DIAPH2: variants seen among roughly 807,000 people sequenced by gnomAD.
The protein encoded by DIAPH2 is protein diaphanous homolog 2.
DIAPH2 carries 35 observed loss-of-function variants against 92.7 expected under a neutral mutation model. That is an observed-to-expected ratio of 0.38 (90% CI 0.29 to 0.50). DIAPH2 has a LOEUF of 0.50. DIAPH2 is among the 20% of genes least tolerant of loss of function. The pLI is 0.94. For missense variants in DIAPH2, 701 were observed against 819.5 expected (o/e 0.86, Z 1.77); for synonymous variants, 301 against 280.4 (o/e 1.07, Z -0.73).
chrX:97,007,760 TC>T (rs2066193020), intron 17 of DIAPH2, among the ~76,000 whole-genome samples: 1 of 103,740 alleles, frequency 9.6e-6, no homozygotes, highest in Non-Finnish European at 1.9e-5. Context: ...TTTCTTTTTT[TC>T]TTTTTTTTTT....
At chrX:97,410,432 G>A (rs75481551) in intron 25 of DIAPH2, among the ~76,000 whole-genome samples, 17 of 112,108 alleles carry the variant, frequency 1.5e-4, no homozygotes, top group Admixed American at 1.2e-3. Context: ...ACCAAATGTA[G>A]AGAAAACCAC....
chrX:97,567,366 TCC>T (rs754659680), intron 26 of DIAPH2, among the ~76,000 whole-genome samples: 51 of 112,427 alleles, frequency 4.5e-4, no homozygotes, highest in African/African-American at 1.5e-3. Context: ...TTATTCTGCC[TCC>T]CTACCTTTCA....
At chrX:97,069,241 C>A (rs1420387340) in intron 17 of DIAPH2, among the ~76,000 whole-genome samples, 2 of 111,022 alleles carry the variant, frequency 1.8e-5, no homozygotes, top group Non-Finnish European at 3.8e-5. Context: ...GAGATTACAC[C>A]CAGCCTGTAT....
chrX:97,311,864 G>A (rs972963212), intron 23 of DIAPH2, among the ~76,000 whole-genome samples: 1 of 110,399 alleles, frequency 9.1e-6, no homozygotes, highest in African/African-American at 3.3e-5. Context: ...AGTCTCGCCT[G>A]TGGCCTAGGC....
At chrX:97,387,448 A>C (rs752956622) in intron 25 of DIAPH2, among the ~76,000 whole-genome samples, 4 of 112,308 alleles carry the variant, frequency 3.6e-5, no homozygotes, top group Non-Finnish European at 7.5e-5. Context: ...GCAAGGCAGG[A>C]GGACAGGCTA....
chrX:97,212,408 G>T (rs996783772), intron 22 of DIAPH2, among the ~76,000 whole-genome samples: 2 of 110,889 alleles, frequency 1.8e-5, no homozygotes, highest in African/African-American at 6.5e-5. Context: ...GAACCTTTCG[G>T]TTTGTGTTTT....
chrX:97,110,769 G>T (rs1233250945), intron 20 of DIAPH2, among the ~76,000 whole-genome samples: 1 of 110,898 alleles, frequency 9.0e-6, no homozygotes, highest in Non-Finnish European at 1.9e-5. Context: ...GGATCACAAG[G>T]TCAGGAGATC....
At chrX:97,130,462 A>G (rs994360417) in intron 21 of DIAPH2, among the ~76,000 whole-genome samples, 1 of 112,033 alleles carries the variant, frequency 8.9e-6, no homozygotes, top group African/African-American at 3.2e-5. Context: ...TTATAATATG[A>G]ATGAATCTCC....
chrX:97,185,466 TATATACAC>T (rs2067589596), intron 22 of DIAPH2, among the ~76,000 whole-genome samples: 3 of 37,489 alleles, frequency 8.0e-5, no homozygotes, highest in Admixed American at 5.0e-4. Context: ...TATATATATA[TATATACAC>T]ATATATATAT....
intron 5 of DIAPH2, among the ~76,000 whole-genome samples, chrX:96,883,134 G>A (rs2065230591): frequency 9.1e-6 from 1 of 109,954 alleles, no homozygotes; most frequent in South Asian, 3.8e-4. Flanking sequence ...TTTCTGTCCT[G>A]TCCACAGAGC....
intron 4 of DIAPH2, among the ~76,000 whole-genome samples, chrX:96,768,950 G>A (rs1035137634): frequency 7.2e-5 from 8 of 111,693 alleles, no homozygotes; most frequent in East Asian, 5.6e-4. Context: ...GGTTTGAGCC[G>A]TGGAACGACA....
chrX:97,542,963 G>C (rs1330463285), intron 26 of DIAPH2, among the ~76,000 whole-genome samples: 1 of 112,058 alleles, frequency 8.9e-6, no homozygotes, highest in Admixed American at 9.5e-5. Flanking sequence ...TCAATAAATG[G>C]TATTATTCTC....
chrX:96,951,406 T>G (rs1393470380), intron 15 of DIAPH2, among the ~76,000 whole-genome samples: 1 of 112,012 alleles, frequency 8.9e-6, no homozygotes, highest in Non-Finnish European at 1.9e-5. Flanking sequence ...CTATTTCTTC[T>G]GCTAGAGCAT....
chrX:96,874,476 G>A (rs2065165272), intron 4 of DIAPH2, among the ~76,000 whole-genome samples: 1 of 112,073 alleles, frequency 8.9e-6, no homozygotes, highest in Admixed American at 9.5e-5. Context: ...AGAAGTATAT[G>A]TGGATTTTAA....
At chrX:96,837,404 C>CCT (rs758318611) in intron 4 of DIAPH2, among the ~76,000 whole-genome samples, 13,242 of 65,596 alleles carry the variant, frequency 0.2, 1,817 homozygotes, top group South Asian at 0.32. Flanking sequence ...TTCCTCCCTC[C>CCT]CTCTCTCTCT....
At chrX:96,717,553 G>A (rs1237041121) in intron 1 of DIAPH2, among the ~76,000 whole-genome samples, 4 of 90,940 alleles carry the variant, frequency 4.4e-5, no homozygotes, top group African/African-American at 1.7e-4. Flanking sequence ...TTTTTTTGCT[G>A]TGAAATCCAC....
intron 22 of DIAPH2, among the ~76,000 whole-genome samples, chrX:97,195,660 CA>C (rs35918745): frequency 0.017 from 910 of 52,599 alleles, 12 homozygotes; most frequent in African/African-American, 0.066. Flanking sequence ...GACTCCGTCT[CA>C]AAAAAAAAAA....
intron 26 of DIAPH2, among the ~76,000 whole-genome samples, chrX:97,517,309 A>C (rs906948798): frequency 2.7e-5 from 3 of 112,246 alleles, no homozygotes; most frequent in African/African-American, 6.5e-5. Context: ...GTTTAAGAAA[A>C]AAAATTATTT....
At chrX:97,409,448 A>C (rs141336835) in intron 25 of DIAPH2, among the ~76,000 whole-genome samples, 369 of 111,429 alleles carry the variant, frequency 3.3e-3, no homozygotes, top group African/African-American at 0.011. Flanking sequence ...CAGCTCCTAG[A>C]GTGATCGACA....
Sources: gnomAD v4.1 joint callset for allele counts (sites outside exome capture counted in the v4.1 genomes callset) on GRCh38, gnomAD v4.1.1 for gene constraint, MANE v1.5 for transcripts, NCBI Gene and HGNC (gene_info 2026-07-23, HGNC 2026-07-21) for gene names.